Variants in ZNF385B observed in about 807,000 individuals in gnomAD.
ZNF385B encodes zinc finger protein 533.
In ZNF385B, 23 loss-of-function variants were observed where a neutral mutation model predicts 39.2. That is an observed-to-expected ratio of 0.59 (90% confidence interval 0.42 to 0.83). The LOEUF is 0.83. ZNF385B is among the 40% of genes least tolerant of loss of function. The pLI, the probability that ZNF385B is intolerant of heterozygous loss-of-function variation, is 0.00. For missense variants in ZNF385B, 552 were observed against 598.9 expected (o/e 0.92, Z 0.82); for synonymous variants, 205 against 222.6 (o/e 0.92, Z 0.70).
chr2:179,675,736 G>T (rs1017441829), intron 3 of ZNF385B, among the ~76,000 whole-genome samples: 2 of 152,030 alleles, frequency 1.3e-5, no homozygotes, highest in African/African-American at 4.8e-5. Flanking sequence ...GAATTTGGTA[G>T]GCCACTTTCA....
intron 3 of ZNF385B, among the ~76,000 whole-genome samples, chr2:179,735,703 TA>T (rs1316910402): frequency 8.0e-6 from 1 of 125,428 alleles, no homozygotes; most frequent in Admixed American, 7.5e-5. Flanking sequence ...TATGCAGCCA[TA>T]AAAAATGATG....
intron 4 of ZNF385B, among the ~76,000 whole-genome samples, chr2:179,543,786 CT>C (rs1327000156): frequency 6.6e-6 from 1 of 152,108 alleles, no homozygotes; most frequent in East Asian, 1.9e-4. Context: ...GCCCTACCCC[CT>C]AATTACCTTC....
intron 1 of ZNF385B, among the ~76,000 whole-genome samples, chr2:179,809,306 T>G (rs1454700474): frequency 6.6e-6 from 1 of 152,154 alleles, no homozygotes; most frequent in East Asian, 1.9e-4. Flanking sequence ...GTAAAGAGTT[T>G]CAGTAAAACT....
At chr2:179,760,282 C>G (rs1026993818) in intron 3 of ZNF385B, among the ~76,000 whole-genome samples, 2 of 150,194 alleles carry the variant, frequency 1.3e-5, no homozygotes, top group Non-Finnish European at 3.0e-5. Context: ...TTCATGTATC[C>G]CCCACCAGGG....
At chr2:179,549,865 G>GTA (rs777533464) in intron 3 of ZNF385B, among the ~76,000 whole-genome samples, 4 of 148,624 alleles carry the variant, frequency 2.7e-5, no homozygotes, top group Non-Finnish European at 4.4e-5. Flanking sequence ...CCAGCCAAAA[G>GTA]TATAGATTGA....
chr2:179,635,587 A>T (rs372718698), intron 3 of ZNF385B, among the ~76,000 whole-genome samples: 1 of 152,192 alleles, frequency 6.6e-6, no homozygotes, highest in East Asian at 1.9e-4. Flanking sequence ...TAGGCAAGAA[A>T]GTGAATATTT....
intron 5 of ZNF385B, among the ~76,000 whole-genome samples, chr2:179,507,642 C>T (rs1436260702): frequency 6.6e-6 from 1 of 152,132 alleles, no homozygotes; most frequent in Non-Finnish European, 1.5e-5. Context: ...AGCTAGATAA[C>T]CAGATATAGG....
intron 3 of ZNF385B, among the ~76,000 whole-genome samples, chr2:179,669,766 T>C (rs556157511): frequency 3.9e-5 from 6 of 152,332 alleles, no homozygotes; most frequent in Admixed American, 1.3e-4. Flanking sequence ...ATAATTATGT[T>C]AATGAGAAAC....
At chr2:179,725,919 T>TATATAC (rs1700985849) in intron 3 of ZNF385B, among the ~76,000 whole-genome samples, 1 of 143,288 alleles carries the variant, frequency 7.0e-6, no homozygotes, top group Non-Finnish European at 1.5e-5. Context: ...TGTATATATA[T>TATATAC]ATATATATAT....
chr2:179,635,502 T>C (rs1448485609), intron 3 of ZNF385B, among the ~76,000 whole-genome samples: 2 of 152,018 alleles, frequency 1.3e-5, no homozygotes, highest in African/African-American at 4.8e-5. Context: ...CTGCATGTTA[T>C]GCACATGTAC....
At chr2:179,537,311 A>G (rs370317824) in intron 4 of ZNF385B, among the ~76,000 whole-genome samples, 1 of 148,756 alleles carries the variant, frequency 6.7e-6, no homozygotes, top group Non-Finnish European at 1.5e-5. Context: ...CTCAAAAAAA[A>G]AAAAATAAAT....
intron 5 of ZNF385B, among the ~76,000 whole-genome samples, chr2:179,514,704 A>G (rs1201168544): frequency 2.0e-5 from 3 of 152,186 alleles, no homozygotes; most frequent in Non-Finnish European, 4.4e-5. Context: ...CAAAAAAATT[A>G]AAGTGATTAC....
At chr2:179,678,520 T>C (rs1247128772) in intron 3 of ZNF385B, among the ~76,000 whole-genome samples, 1 of 152,192 alleles carries the variant, frequency 6.6e-6, no homozygotes, top group East Asian at 1.9e-4. Flanking sequence ...TACAGGACAC[T>C]GAGGTGAAAC....
intron 3 of ZNF385B, among the ~76,000 whole-genome samples, chr2:179,691,849 T>A (rs577484065): frequency 1.1e-4 from 17 of 152,150 alleles, no homozygotes; most frequent in South Asian, 8.3e-4. Context: ...TTTTATTTTT[T>A]TAAAAAAATA....
intron 3 of ZNF385B, among the ~76,000 whole-genome samples, chr2:179,681,191 A>G (rs1187576691): frequency 6.6e-6 from 1 of 151,136 alleles, no homozygotes; most frequent in Non-Finnish European, 1.5e-5. Flanking sequence ...ACATAAATTT[A>G]TTAAGGTCAA....
intron 3 of ZNF385B, among the ~76,000 whole-genome samples, chr2:179,597,597 T>C (rs1250525182): frequency 3.3e-5 from 5 of 152,226 alleles, no homozygotes; most frequent in Non-Finnish European, 7.3e-5. Flanking sequence ...TCACTCCATC[T>C]GAGCTTTTCA....
chr2:179,551,112 A>T (rs1205398270), intron 3 of ZNF385B, among the ~76,000 whole-genome samples: 5 of 152,230 alleles, frequency 3.3e-5, no homozygotes. Flanking sequence ...AGAACATAGT[A>T]TATAATCTGG....
chr2:179,771,846 C>G (rs1704029520), intron 1 of ZNF385B, among the ~76,000 whole-genome samples: 1 of 152,104 alleles, frequency 6.6e-6, no homozygotes, highest in African/African-American at 2.4e-5. Context: ...GAAAACTAAT[C>G]CACTGTGAAA....
At chr2:179,730,877 A>G (rs1701344617) in intron 3 of ZNF385B, among the ~76,000 whole-genome samples, 1 of 152,240 alleles carries the variant, frequency 6.6e-6, no homozygotes, top group African/African-American at 2.4e-5. Context: ...AGTCCTTGCC[A>G]CACACTGATT....
Sources: allele counts gnomAD v4.1 joint callset (sites outside exome capture counted in the v4.1 genomes callset), GRCh38; gene constraint gnomAD v4.1.1; transcripts MANE v1.5; gene names NCBI Gene and HGNC (gene_info 2026-07-23, HGNC 2026-07-21).